The following SLC14A2 variants were observed in gnomAD, a reference collection of about 807,000 sequenced individuals.
The protein encoded by SLC14A2 is urea transporter 2.
Under a neutral mutation model 104.6 loss-of-function variants are expected in SLC14A2, and 91 were observed. That is an observed-to-expected ratio of 0.87 (90% CI 0.73 to 1.04). SLC14A2 has a LOEUF of 1.04. Ranked by LOEUF, SLC14A2 falls within the 50% of genes least tolerant of loss-of-function variation. The probability of loss-of-function intolerance (pLI) is 0.00; values close to 1 mark genes in which losing one functional copy is unlikely to be tolerated. For missense variants in SLC14A2, 1,189 were observed against 1,156.0 expected, an observed-to-expected ratio of 1.03 and a Z score of -0.41; for synonymous variants, 476 against 466.4, an observed-to-expected ratio of 1.02 and a Z score of -0.27.
Position 45,641,196 on chromosome 18 carries a change from C to A in SLC14A2, c.992-13C>A, listed in dbSNP as rs200815785. 1.5e-5 allele frequency: 24 copies of A among 1,613,472 alleles called. No individual in the cohort carries two copies. The highest frequency in any genetic ancestry group is 1.9e-5 in the Non-Finnish European group (23 of 1,179,540). On this transcript the variant is annotated splice_polypyrimidine_tract_variant and intron_variant, in intron 7 of 19. Coordinates refer to ENST00000255226, the MANE Select transcript of SLC14A2 (RefSeq NM_007163.4). ...CCCAGAATCAGACAGAAATACCACACCTTGTCCCATAGCCCTGTCAGTGGC... is the reference window on the plus strand; with the variant it reads ...CCCAGAATCAGACAGAAATACCACAACTTGTCCCATAGCCCTGTCAGTGGC...
At chr18:45,565,908 G>A (rs184457094) in intron 2 of SLC14A2, among the ~76,000 whole-genome samples, 1 of 152,294 alleles carries the variant, frequency 6.6e-6, no homozygotes, top group African/African-American at 2.4e-5. Flanking sequence ...GCCCTTTTAC[G>A]CTGACACCTC....
chr18:45,588,983 G>A (rs1246962446), intron 2 of SLC14A2, among the ~76,000 whole-genome samples: 1 of 141,424 alleles, frequency 7.1e-6, no homozygotes, highest in East Asian at 2.1e-4. Context: ...GTGGGGGGGG[G>A]TGTTAAATGT....
intron 1 of SLC14A2, among the ~76,000 whole-genome samples, chr18:45,239,458 C>T (rs986884846): frequency 6.6e-6 from 1 of 152,204 alleles, no homozygotes; most frequent in African/African-American, 2.4e-5. Context: ...TATGCAACCC[C>T]GGGCAGGATC....
At chr18:45,306,687 G>A (rs1395894428) in intron 1 of SLC14A2, among the ~76,000 whole-genome samples, 1 of 152,158 alleles carries the variant, frequency 6.6e-6, no homozygotes, top group Non-Finnish European at 1.5e-5. Context: ...CAGAGCCGAG[G>A]TCAGTAGACC....
chr18:45,647,354 T>G (rs7227692), intron 10 of SLC14A2: 1 of 152,222 alleles, frequency 6.6e-6, no homozygotes, highest in African/African-American at 2.4e-5. Flanking sequence ...GTATGCATGG[T>G]TTTATCCCCT....
At chr18:45,481,263 G>A (rs2087487795) in intron 1 of SLC14A2, among the ~76,000 whole-genome samples, 1 of 151,832 alleles carries the variant, frequency 6.6e-6, no homozygotes, top group Non-Finnish European at 1.5e-5. Context: ...ATGCACCAGT[G>A]ATTTTTCTCT....
intron 4 of SLC14A2, among the ~76,000 whole-genome samples, chr18:45,628,055 T>G (rs1368282202): frequency 6.6e-6 from 1 of 151,598 alleles, no homozygotes; most frequent in Non-Finnish European, 1.5e-5. Flanking sequence ...AAACTTGCAT[T>G]TTGTAGAACT....
the SLC14A2 span, among the ~76,000 whole-genome samples, chr18:45,183,430 A>C: frequency 6.6e-6 from 1 of 152,120 alleles, no homozygotes; most frequent in Non-Finnish European, 1.5e-5. Context: ...GCCTACTCGC[A>C]CCATATAAAG....
rs980618085 is a variant in SLC14A2 at position 45,569,036 on chromosome 18, T to G, written c.-34-55595T>G. Among the ~76,000 whole-genome samples, 6 of 152,300 alleles carry G rather than the reference T, an allele frequency of 3.9e-5. 1 individual carries two copies. The highest frequency in any genetic ancestry group is 6.5e-5 in the Admixed American group (1 of 15,292). On this transcript the variant is annotated intron_variant, in intron 2 of 20. Transcript: ENST00000586448. ...TTAGCTTGATGGAAGTAGGAGGAAG[T>G]GCCCACCTCTCCCATTTCTCCCTAA...
At chr18:45,188,909 GACA>G in the SLC14A2 span, among the ~76,000 whole-genome samples, 8 of 152,196 alleles carry the variant, frequency 5.3e-5, no homozygotes, top group African/African-American at 1.9e-4. Context: ...TGAGCTATCT[GACA>G]ACATGCCCAG....
exon 1 of SLC14A2, chr18:45,213,017 A>T (rs980267254): frequency 1.3e-5 from 2 of 152,508 alleles, no homozygotes; most frequent in Admixed American, 6.5e-5. Flanking sequence ...CATCATCCTA[A>T]AAAACGACCA....
chr18:45,236,035 GTGTGTATATA>G (rs1308252161), intron 1 of SLC14A2, among the ~76,000 whole-genome samples: 11 of 43,690 alleles, frequency 2.5e-4, no homozygotes, highest in African/African-American at 8.6e-4. Context: ...ATACATATAT[GTGTGTATATA>G]TGTGTATATA....
chr18:45,556,339 G>A (rs527911880), intron 2 of SLC14A2, among the ~76,000 whole-genome samples: 1 of 152,220 alleles, frequency 6.6e-6, no homozygotes, highest in African/African-American at 2.4e-5. Flanking sequence ...CTATGGTGTG[G>A]CCTCCTGAAA....
intron 1 of SLC14A2, among the ~76,000 whole-genome samples, chr18:45,375,224 C>T (rs566573819): frequency 1.3e-5 from 2 of 152,286 alleles, no homozygotes; most frequent in South Asian, 4.1e-4. Flanking sequence ...ACTAGACTGC[C>T]TTTGTAGGAC....
intron 4 of SLC14A2, among the ~76,000 whole-genome samples, chr18:45,630,793 C>T (rs1361017138): frequency 1.3e-5 from 2 of 152,218 alleles, no homozygotes; most frequent in Admixed American, 6.5e-5. Flanking sequence ...CCACCCACTG[C>T]CTGTCTCCAG....
At chr18:45,524,881 G>A (rs1330518377) in intron 2 of SLC14A2, among the ~76,000 whole-genome samples, 3 of 152,116 alleles carry the variant, frequency 2.0e-5, no homozygotes, top group Non-Finnish European at 2.9e-5. Context: ...ATTTGGAGTT[G>A]AAGGAAAGTT....
At chr18:45,486,956 T>A (rs1235137106) in intron 2 of SLC14A2, among the ~76,000 whole-genome samples, 2 of 152,206 alleles carry the variant, frequency 1.3e-5, no homozygotes, top group Non-Finnish European at 2.9e-5. Flanking sequence ...TCCAAGATCA[T>A]GCAAAAGAGC....
intron 1 of SLC14A2, chr18:45,436,709 C>T (rs894219909): frequency 5.9e-5 from 9 of 152,058 alleles, no homozygotes; most frequent in African/African-American, 1.9e-4. Context: ...GCATTTAAAG[C>T]CTTGATTGCC....
chr18:45,611,721 A>G (rs2044974527), upstream of SLC14A2, among the ~76,000 whole-genome samples: 2 of 152,342 alleles, frequency 1.3e-5, no homozygotes. Context: ...TGTTGAGCAA[A>G]GAAGGCTGAG....
Sources: allele counts gnomAD v4.1 joint callset (sites outside exome capture counted in the v4.1 genomes callset), GRCh38; gene constraint gnomAD v4.1.1; transcripts MANE v1.5; gene names NCBI Gene and HGNC (gene_info 2026-07-23, HGNC 2026-07-21).